PIF1: variants seen among roughly 807,000 people sequenced by gnomAD.
The protein encoded by PIF1 is ATP-dependent DNA helicase PIF1.
PIF1 carries 67 observed loss-of-function variants against 62.3 expected under a neutral mutation model. The ratio of observed to expected loss-of-function variants is 1.08; its 90% confidence interval spans 0.88 to 1.32. PIF1 has a LOEUF of 1.32. Among genes scored for constraint, PIF1 ranks in the 40% most tolerant of loss-of-function variants. The pLI, the probability that PIF1 is intolerant of heterozygous loss-of-function variation, is 0.00. For synonymous variants in PIF1, 364 were observed against 379.5 expected (o/e 0.96, Z 0.47); for missense variants, 886 against 866.1 (o/e 1.02, Z -0.29).
chr15:64,823,573 C>T, intron 2 of PIF1: 1 of 400,926 alleles, frequency 2.5e-6, no homozygotes, highest in Non-Finnish European at 4.4e-6. Context: ...GTAGCCAGGT[C>T]CCATTTCCTG....
At position 64,821,221 on chromosome 15, in the gene PIF1, A is replaced by G; in HGVS notation, c.1032T>C (p.Phe344=). ...GGIQLIICGD[F]LQLPPVTKGS... ...CCTTGGTCACAGGTGGCAGCTGCAG[A>G]AAGTCCCCACAGATGATGAGCTGGA... Residue 344 remains phenylalanine (F), a synonymous_variant, in exon 6 of 13, where the codon TTT becomes TTC. Coordinates refer to ENST00000559239, the MANE Select transcript of PIF1 (RefSeq NM_001286496.2). 6.2e-7 allele frequency: 1 copy of G among 1,614,234 alleles called. No homozygotes were observed. Among genetic ancestry groups the G allele is most frequent in the Non-Finnish European group, 8.5e-7 (1 of 1,180,048 alleles).
In PIF1 at chr15:64,817,952, C is replaced by G; in HGVS notation, c.1668G>C (p.Lys556Asn). The change falls in exon 11 of 13, where the codon AAG (lysine) becomes AAC (asparagine). Residue 556 changes from lysine to asparagine, a missense_variant. Physicochemically the swap from Lys to Asn is moderately conservative, Grantham distance 94. Transcript: ENST00000559239. Reference protein sequence around the residue: ...LQLAWAMSIHKSQGMTLDCVE... With the variant: ...LQLAWAMSIHNSQGMTLDCVE... ...CCCCCACACCGGTGCTCACTTGGCT[C>G]TTGTGGATGGACATCGCCCAGGCCA... 1 of 1,611,668 alleles carries G rather than the reference C, an allele frequency of 6.2e-7. No homozygotes were observed. The highest frequency in any genetic ancestry group is 8.5e-7 in the Non-Finnish European group (1 of 1,179,098).
At position 64,824,038 on chromosome 15, in the gene PIF1, C is replaced by A. The variant is rs1480943418; in HGVS notation, c.298G>T (p.Ala100Ser). The A allele has an allele frequency of 2.4e-6, 3 of 1,270,926 alleles. No individual in the cohort carries two copies. The highest frequency in any genetic ancestry group is 6.3e-5 in the East Asian group (2 of 31,644). 78.7% of individuals were successfully genotyped at this position (1,270,926 alleles called of 1,614,324 possible). A position where few individuals can be genotyped will look rare whatever the true frequency, so the allele number is the denominator to read the frequency against. ...CAGTCCGAGAGCAGCAGCTGCACTG[C>A]GCCGGCCCCGGGGGTGTCGTGGGCG... ...LPAHDTPGAG[A>S]VQLLLSDCPP... Residue 100 changes from alanine to serine, a missense_variant, in exon 2 of 13, where the codon GCA becomes TCA. Physicochemically the swap from Ala to Ser is moderately conservative, Grantham distance 99. Coordinates refer to ENST00000559239, the MANE Select transcript of PIF1 (RefSeq NM_001286496.2).
rs1401966903 is a variant in PIF1, at chr15:64,822,472, C to T, written c.691+6G>A. 2.5e-5 allele frequency: 41 copies of T among 1,614,034 alleles called. No individual in the cohort carries two copies. Among genetic ancestry groups the T allele is most frequent in the Non-Finnish European group, 3.4e-5 (40 of 1,180,032 alleles). ...TGTCCCCCTACCTCCTCTCTGCCCC[C>T]ACTACCTGCACTCCCAGTGAAGAAG... On this transcript the variant is annotated splice_donor_region_variant and intron_variant, in intron 3 of 12. Coordinates refer to ENST00000559239, the MANE Select transcript of PIF1 (RefSeq NM_001286496.2).
chr15:64,818,188 C>A, intron 10 of PIF1, 69 bp downstream of exon 10: 1 of 1,609,998 alleles, frequency 6.2e-7, no homozygotes, highest in Non-Finnish European at 8.5e-7. Context: ...GTCTTTTTCT[C>A]CCCCCACCAT....
Position 64,819,931 on chromosome 15 carries a change from G to T in PIF1, c.1249C>A (p.Arg417=), listed in dbSNP as rs370700777. ...AGCCTCGTGGCCACAATCCCATCTC[G>T]CCCCACCTTGTGGGAAGCTGTGGCC... is the stretch of plus-strand genomic sequence containing the variant. The part of the protein sequence containing the change: ...LQATASHKVG[R]DGIVATRLCT... Residue 417 remains arginine, a synonymous_variant, in exon 8 of 13, where the codon CGA becomes AGA. Transcript: ENST00000559239. The T allele has an allele frequency of 6.2e-7, 1 of 1,614,044 alleles. No homozygotes were observed. The highest frequency in any genetic ancestry group is 8.5e-7 in the Non-Finnish European group (1 of 1,180,042).
intron 10 of PIF1, 60 bp from the exon 11 acceptor site, chr15:64,818,151 C>T: frequency 6.2e-7 from 1 of 1,611,496 alleles, no homozygotes; most frequent in East Asian, 2.2e-5. Context: ...AGGTGAGGAG[C>T]AGGGGCCTTT....
At position 64,816,211 on chromosome 15, in the gene PIF1, A is replaced by G; in HGVS notation, c.*87T>C. 2 of 1,595,622 alleles carry G rather than the reference A, an allele frequency of 1.3e-6. No homozygotes were observed. The highest frequency in any genetic ancestry group is 3.4e-5 in the Admixed American group (2 of 58,070). ...GAAGGGGACACTGCCTGCCTACTCC[A>G]GTTATTCCCTGGGGCCCTGGGCCAC... On this transcript the variant is annotated 3_prime_UTR_variant, in exon 13 of 13. Coordinates refer to ENST00000559239, the MANE Select transcript of PIF1 (RefSeq NM_001286496.2).
intron 4 of PIF1, chr15:64,821,802 T>C (rs2084294474): frequency 2.8e-6 from 1 of 361,920 alleles, no homozygotes; most frequent in Non-Finnish European, 5.0e-6. Flanking sequence ...TGCAGTGGCG[T>C]GATCTCGGCT....
rs1201497812 is a variant in PIF1, at chr15:64,816,742, C to A, written c.1698G>T (p.Glu566Asp). Residue 566 changes from glutamate to aspartate, a missense_variant, in exon 12 of 13, where the codon GAG becomes GAT. Physicochemically the swap from Glu to Asp is conservative, Grantham distance 45 (BLOSUM62 2). Transcript: ENST00000559239. ...KSQGMTLDCV[E>D]ISLGRVFASG... ...TGGCAAACACACGGCCCAGAGAAAT[C>A]TCCACACAATCCAGGGTCATGCCCT... 6.2e-7 allele frequency: 1 copy of A among 1,607,480 alleles called. No homozygotes were observed. The highest frequency in any genetic ancestry group is 8.5e-7 in the Non-Finnish European group (1 of 1,177,446).
At chr15:64,818,223 C>T (rs559923588) in intron 10 of PIF1, 34 bp downstream of exon 10, 118 of 1,612,748 alleles carry the variant, frequency 7.3e-5, no homozygotes, top group Admixed American at 3.5e-4. Context: ...TGCAAAGCCC[C>T]GTAGCAGGAC....
chr15:64,817,390 C>G (rs1442676620), intron 11 of PIF1, among the ~76,000 whole-genome samples: 4 of 151,820 alleles, frequency 2.6e-5, no homozygotes, highest in Non-Finnish European at 4.4e-5. Context: ...ACTAAAAATA[C>G]AAAAAATTAG....
chr15:64,818,332 T>A lies in PIF1; in HGVS notation c.1453A>T (p.Lys485Ter). Residue 485 changes from lysine to a stop codon, truncating the protein, a stop_gained, in exon 10 of 13, where the codon AAA becomes TAA. Coordinates refer to ENST00000559239, the MANE Select transcript of PIF1 (RefSeq NM_001286496.2). LOFTEE classifies it high-confidence loss of function. ...AGGCCCCGAGACACCGATAAGTTTT[T>A]CACCAGCATCACCTGCAAGGGAGAG... ...LKLGAQVMLVKNLSVSRGLVN... is the reference protein window; with the variant it reads ...LKLGAQVMLV 2.5e-6 allele frequency: 4 copies of A among 1,614,002 alleles called. No homozygotes were observed. Among genetic ancestry groups the A allele is most frequent in the Non-Finnish European group, 3.4e-6 (4 of 1,179,980 alleles).
intron 1 of PIF1, among the ~76,000 whole-genome samples, chr15:64,824,879 G>GTATA (rs748218925): frequency 1.0e-4 from 12 of 119,566 alleles, no homozygotes; most frequent in African/African-American, 3.0e-4. Flanking sequence ...GTGTGTGTGT[G>GTATA]TGTGTATATA....
In PIF1 at chr15:64,824,022, A is replaced by T. The variant is rs960648006; in HGVS notation, c.314T>A (p.Leu105His). The T allele has an allele frequency of 1.9e-5, 24 of 1,290,908 alleles. No homozygotes were observed. In the Admixed American group the frequency reaches 8.5e-4, roughly 46 times the overall value. The allele number at this position is 1,290,908 out of a possible 1,614,324, so 80.0% of individuals were successfully genotyped here. ...CAGGCGGTCTGGGGGGCAGTCCGAG[A>T]GCAGCAGCTGCACTGCGCCGGCCCC... ...TPGAGAVQLL[L>H]SDCPPDRLRR... The change falls in exon 2 of 13, where the codon CTC becomes CAC. Residue 105 changes from leucine to histidine, a missense_variant. Coordinates refer to ENST00000559239, the MANE Select transcript of PIF1 (RefSeq NM_001286496.2).
At chr15:64,820,368 C>T (rs8040326) in intron 7 of PIF1, among the ~76,000 whole-genome samples, 44,678 of 152,134 alleles carry the variant, frequency 0.29, 7,568 homozygotes, top group Non-Finnish European at 0.39. Flanking sequence ...TTGCCTCCTA[C>T]CTTGGGTGAA....
At chr15:64,821,934 GT>G in intron 4 of PIF1, 1 of 316,122 alleles carries the variant, frequency 3.2e-6, no homozygotes, top group Non-Finnish European at 5.9e-6. Flanking sequence ...TAGAGACAGG[GT>G]TTTACCGTGT....
At position 64,821,436 on chromosome 15, in the gene PIF1, T is replaced by C; in HGVS notation, c.902A>G (p.Gln301Arg). The change falls in exon 5 of 13, where the codon CAG (glutamine) becomes CGG (arginine). Residue 301 changes from glutamine to arginine, a missense_variant. By Grantham distance (43) the Gln-to-Arg change is conservative. Coordinates refer to ENST00000559239, the MANE Select transcript of PIF1 (RefSeq NM_001286496.2). ...TGAGATCTCGTCAATGACCAACCGC[T>C]GGCAGTTCAGCCAGCCCTGCCGCAC... ...PGVRQGWLNC[Q>R]RLVIDEISMV... The C allele has an allele frequency of 6.2e-7, 1 of 1,614,136 alleles. No individual in the cohort carries two copies. Among genetic ancestry groups the C allele is most frequent in the Admixed American group, 1.7e-5 (1 of 60,010 alleles).
At position 64,824,026 on chromosome 15, in the gene PIF1, GC is replaced by G; in HGVS notation, c.309del (p.Leu104CysfsTer69). 1 of 1,281,576 alleles carries G rather than the reference GC, an allele frequency of 7.8e-7. No individual in the cohort carries two copies. Among genetic ancestry groups the G allele is most frequent in the Non-Finnish European group, 9.9e-7 (1 of 1,015,224 alleles). The allele number at this position is 1,281,576 out of a possible 1,614,324, so 79.4% of individuals were successfully genotyped here. ...CGGTCTGGGGGGCAGTCCGAGAGCA[GC>G]AGCTGCACTGCGCCGGCCCCGGGGG... ...HDTPGAGAVQ[L>X]LLSDCPPDRL... On this transcript the variant is annotated frameshift_variant, in exon 2 of 13. Coordinates refer to ENST00000559239, the MANE Select transcript of PIF1 (RefSeq NM_001286496.2). LOFTEE classifies it high-confidence loss of function.
Sources: gnomAD v4.1 joint callset for allele counts (sites outside exome capture counted in the v4.1 genomes callset) on GRCh38, gnomAD v4.1.1 for gene constraint, MANE v1.5 for transcripts, NCBI Gene and HGNC (gene_info 2026-07-23, HGNC 2026-07-21) for gene names.